The following MPDZ variants were observed in gnomAD, a reference collection of about 807,000 sequenced individuals.
MPDZ encodes the protein multiple PDZ domain protein.
Under a neutral mutation model 239.1 loss-of-function variants are expected in MPDZ, and 234 were observed. The observed-to-expected ratio is 0.98, with a 90% CI of 0.88 to 1.09. The LOEUF is 1.09. Among genes scored for constraint, MPDZ ranks in the 50% least tolerant of loss-of-function variants. The probability of loss-of-function intolerance (pLI) is 0.00; values close to 1 mark genes in which losing one functional copy is unlikely to be tolerated. For synonymous variants in MPDZ, 1,048 were observed against 881.3 expected (o/e 1.19, Z -3.35); for missense variants, 3,175 against 2,510.0 (o/e 1.26, Z -5.66).
At chr9:13,120,336 T>C (rs1944151622) in intron 38 of MPDZ, 2 of 152,256 alleles carry the variant, frequency 1.3e-5, no homozygotes, top group South Asian at 4.1e-4. Flanking sequence ...TCACTTGTTC[T>C]TGCCAAGGTC....
intron 12 of MPDZ, among the ~76,000 whole-genome samples, chr9:13,203,428 C>G (rs1427552879): frequency 6.6e-6 from 1 of 152,086 alleles, no homozygotes; most frequent in East Asian, 1.9e-4. Flanking sequence ...ATTCAACCAA[C>G]CTTTAGCAGA....
intron 38 of MPDZ, 116 bp from the exon 39 acceptor site, chr9:13,119,765 T>C (rs577968249): frequency 8.1e-7 from 1 of 1,238,364 alleles, no homozygotes; most frequent in South Asian, 1.3e-5. Flanking sequence ...ACTTTAAAAG[T>C]TTTGTTATTT....
chr9:13,118,455 C>T (rs149171296), intron 39 of MPDZ, among the ~76,000 whole-genome samples: 1 of 152,278 alleles, frequency 6.6e-6, no homozygotes, highest in African/African-American at 2.4e-5. Context: ...CCAGGAAGCC[C>T]AGCCACTCAG....
intron 3 of MPDZ, among the ~76,000 whole-genome samples, chr9:13,236,978 T>C (rs574212117): frequency 1.8e-4 from 27 of 152,202 alleles, no homozygotes; most frequent in East Asian, 9.7e-4. Context: ...GTGGATAGAA[T>C]TGTCCAAGAT....
intron 22 of MPDZ, among the ~76,000 whole-genome samples, chr9:13,167,707 G>C (rs1409312306): frequency 3.3e-5 from 5 of 152,048 alleles, no homozygotes; most frequent in African/African-American, 7.2e-5. Context: ...TCACAATAAA[G>C]TAATGAGCTG....
intron 3 of MPDZ, among the ~76,000 whole-genome samples, chr9:13,243,977 C>A (rs1966012496): frequency 6.6e-6 from 1 of 152,172 alleles, no homozygotes; most frequent in African/African-American, 2.4e-5. Flanking sequence ...CAGCCTGAGT[C>A]ATCTACATTA....
intron 1 of MPDZ, among the ~76,000 whole-genome samples, chr9:13,278,551 C>A (rs147157732): frequency 2.6e-4 from 40 of 152,320 alleles, no homozygotes; most frequent in African/African-American, 9.1e-4. Context: ...CCAACAAACG[C>A]GCAACTCCGC....
chr9:13,183,972 A>G (rs1448351276), intron 18 of MPDZ, among the ~76,000 whole-genome samples: 1 of 152,014 alleles, frequency 6.6e-6, no homozygotes, highest in Non-Finnish European at 1.5e-5. Context: ...ACTAAAATAA[A>G]CTGTTATTCA....
Position 13,126,722 on chromosome 9 carries a change from T to G in MPDZ, c.4515A>C (p.Gly1505=). 6.2e-7 allele frequency: 1 copy of G among 1,613,894 alleles called. No individual in the cohort carries two copies. Among genetic ancestry groups the G allele is most frequent in the Non-Finnish European group, 8.5e-7 (1 of 1,179,818 alleles). The change falls in exon 33 of 47, where the codon GGA becomes GGC. Residue 1505 remains glycine (G), a synonymous_variant. Transcript: ENST00000319217. ...GCTCTGTTAAGCTCTTTATGATGACTCCACTGAGTGTATCTTCTTCGCTGA... is the reference window on the plus strand; with the variant it reads ...GCTCTGTTAAGCTCTTTATGATGACGCCACTGAGTGTATCTTCTTCGCTGA... The part of the protein sequence containing the change: ...IAISEEDTLS[G]VIIKSLTEHG...
At chr9:13,175,953 T>A in intron 20 of MPDZ, 78 bp from the exon 21 acceptor site, 1 of 1,487,182 alleles carries the variant, frequency 6.7e-7, no homozygotes, top group Non-Finnish European at 9.0e-7. Flanking sequence ...ACATCACGCA[T>A]GTTCTCTAAT....
intron 3 of MPDZ, among the ~76,000 whole-genome samples, chr9:13,243,355 TTCTA>T (rs1588070298): frequency 6.6e-6 from 1 of 151,880 alleles, no homozygotes; most frequent in Admixed American, 6.6e-5. Flanking sequence ...AGTCCTTCAG[TTCTA>T]TCTCTTTTTT....
At chr9:13,238,344 G>A (rs1418684121) in intron 3 of MPDZ, among the ~76,000 whole-genome samples, 1 of 152,150 alleles carries the variant, frequency 6.6e-6, no homozygotes, top group African/African-American at 2.4e-5. Context: ...ACAGTGGGGT[G>A]ACCAGCCTTC....
chr9:13,136,866 T>C, intron 29 of MPDZ, 63 bp from the exon 30 acceptor site: 1 of 923,336 alleles, frequency 1.1e-6, no homozygotes, highest in South Asian at 1.8e-5. Context: ...TTTATCATCC[T>C]TCCTCATTAA....
intron 21 of MPDZ, among the ~76,000 whole-genome samples, chr9:13,168,791 G>A (rs1951416184): frequency 6.6e-6 from 1 of 152,102 alleles, no homozygotes; most frequent in African/African-American, 2.4e-5. Context: ...AAACAAAACA[G>A]ATCTACATTG....
At position 13,223,647 on chromosome 9, in the gene MPDZ, C is replaced by A; in HGVS notation, c.457G>T (p.Val153Leu). The A allele has an allele frequency of 6.2e-7, 1 of 1,612,270 alleles. No individual in the cohort carries two copies. The highest frequency in any genetic ancestry group is 8.5e-7 in the Non-Finnish European group (1 of 1,179,020). The change falls in exon 5 of 47, where the codon GTG becomes TTG. Residue 153 changes from valine to leucine, a missense_variant. Coordinates refer to ENST00000319217, the MANE Select transcript of MPDZ (RefSeq NM_001378778.1). ...PPSGGLGFSV[V>L]GLRSENRGEL... ...CCTCTGTTTTCACTTCTTAGTCCCA[C>A]AACACTAAACCCAAGGCCTCCAGAT... is the stretch of plus-strand genomic sequence containing the variant.
chr9:13,120,302 A>G (rs1039885603), intron 38 of MPDZ: 5 of 152,290 alleles, frequency 3.3e-5, no homozygotes, highest in African/African-American at 1.2e-4. Flanking sequence ...ATAAATAGAA[A>G]TATATAGTAA....
chr9:13,249,040 GC>G (rs1391469931), intron 2 of MPDZ, among the ~76,000 whole-genome samples: 1 of 121,582 alleles, frequency 8.2e-6, no homozygotes, highest in Non-Finnish European at 1.7e-5. Flanking sequence ...ACTTTCTATA[GC>G]ACCAAATCTG....
chr9:13,117,938 G>A (rs113788590), intron 39 of MPDZ, among the ~76,000 whole-genome samples: 11 of 146,540 alleles, frequency 7.5e-5, no homozygotes, highest in African/African-American at 2.5e-4. Flanking sequence ...TCTGCCTCCC[G>A]GGTTCAGGCG....
chr9:13,244,621 A>G (rs2137565890), intron 3 of MPDZ, among the ~76,000 whole-genome samples: 1 of 152,322 alleles, frequency 6.6e-6, no homozygotes. Flanking sequence ...TAAATAGCAC[A>G]TCCCTTCAGG....
Sources: gnomAD v4.1 joint callset for allele counts (sites outside exome capture counted in the v4.1 genomes callset) on GRCh38, gnomAD v4.1.1 for gene constraint, MANE v1.5 for transcripts, NCBI Gene and HGNC (gene_info 2026-07-23, HGNC 2026-07-21) for gene names.